CSMD2: variants seen among roughly 807,000 people sequenced by gnomAD.
CSMD2 encodes CUB and Sushi multiple domains 2.
A neutral mutation model predicts 398.5 loss-of-function variants in CSMD2; 130 were observed. The observed-to-expected ratio is 0.33, with a 90% CI of 0.28 to 0.38. The LOEUF (loss-of-function observed/expected upper bound fraction) is 0.38. CSMD2 is among the 10% of genes least tolerant of loss of function. The pLI is 1.00. For missense variants in CSMD2, 3,829 were observed against 4,764.9 expected (o/e 0.80, Z 5.78); for synonymous variants, 1,828 against 1,908.5 (o/e 0.96, Z 1.10).
intron 44 of CSMD2, 89 bp downstream of exon 44, chr1:33,600,776 C>T: frequency 7.2e-7 from 1 of 1,383,046 alleles, no homozygotes; most frequent in East Asian, 2.3e-5. Context: ...CTCAAGGTCA[C>T]ATGATCCGCA....
In CSMD2 at chr1:33,521,570, A is replaced by T; in HGVS notation, c.10510-20T>A. On this transcript the variant is annotated intron_variant, in intron 67 of 70. Coordinates refer to ENST00000373381, the MANE Select transcript of CSMD2 (RefSeq NM_001281956.2). Reference sequence around the variant, plus strand: ...CGAGACCTGTGATGGTGGGGAGCACAGAGAGCAGGTGGGAGGCTGCTGGAA... The same window carrying T: ...CGAGACCTGTGATGGTGGGGAGCACTGAGAGCAGGTGGGAGGCTGCTGGAA... 1 of 1,519,154 alleles carries T rather than the reference A, an allele frequency of 6.6e-7. No homozygotes were observed. The allele number at this position is 1,519,154 out of a possible 1,614,324, so 94.1% of individuals were successfully genotyped here.
intron 33 of CSMD2, 45 bp downstream of exon 33, chr1:33,626,441 G>T: frequency 7.1e-7 from 1 of 1,407,358 alleles, no homozygotes; most frequent in Non-Finnish European, 9.8e-7. Context: ...AGTCCCTTAA[G>T]AACCGAGATC....
intron 2 of CSMD2, among the ~76,000 whole-genome samples, chr1:34,043,603 CAA>C (rs1310441816): frequency 6.6e-6 from 1 of 152,100 alleles, no homozygotes; most frequent in African/African-American, 2.4e-5. Flanking sequence ...AATATAGAGT[CAA>C]TAAATGACGG....
intron 13 of CSMD2, among the ~76,000 whole-genome samples, chr1:33,765,188 A>C (rs1650338433): frequency 6.6e-6 from 1 of 152,218 alleles, no homozygotes; most frequent in Non-Finnish European, 1.5e-5. Flanking sequence ...TCCCAATAGG[A>C]TGTTTTTTTT....
chr1:33,825,360 C>A (rs1658675786), intron 7 of CSMD2, among the ~76,000 whole-genome samples: 1 of 152,172 alleles, frequency 6.6e-6, no homozygotes, highest in Non-Finnish European at 1.5e-5. Flanking sequence ...AAAAGAGGAG[C>A]TGAAGGAGGA....
At chr1:33,963,085 T>C (rs1464544149) in intron 3 of CSMD2, among the ~76,000 whole-genome samples, 2 of 152,210 alleles carry the variant, frequency 1.3e-5, no homozygotes, top group Non-Finnish European at 2.9e-5. Context: ...GTCAAAAGAT[T>C]GAGAGTCTAA....
Position 33,586,568 on chromosome 1 carries a change from A to T in CSMD2, c.6987T>A (p.Asn2329Lys). The change falls in exon 46 of 71, where the codon AAT (asparagine) becomes AAA (lysine). Residue 2329 changes from asparagine to lysine, a missense_variant. This residue lies in a region of CSMD2 where 723 missense variants were observed against 758.6 expected (regional missense o/e 0.95). Transcript: ENST00000373381. ...RCLPGFTLVG[N>K]EILTCKLGTY... ...TTCCAAGTTTGCAGGTCAGAATTTC[A>T]TTCCCCACTAAGGTAAAGCCAGGGA... is the stretch of plus-strand genomic sequence containing the variant. 6.2e-7 allele frequency: 1 copy of T among 1,613,810 alleles called. No homozygotes were observed. The highest frequency in any genetic ancestry group is 8.5e-7 in the Non-Finnish European group (1 of 1,179,780).
chr1:33,738,059 C>T (rs1646939464), intron 15 of CSMD2, among the ~76,000 whole-genome samples: 1 of 152,050 alleles, frequency 6.6e-6, no homozygotes, highest in African/African-American at 2.4e-5. Context: ...CCCTTGTCTC[C>T]CATCGAGCCA....
chr1:33,868,702 C>T (rs2125137302), intron 5 of CSMD2, among the ~76,000 whole-genome samples: 1 of 151,868 alleles, frequency 6.6e-6, no homozygotes, highest in East Asian at 1.9e-4. Context: ...CACCATTGCA[C>T]TCCAGCCTGG....
rs369664642 is a variant in CSMD2, at chr1:34,091,164, G to C, written c.188-1971C>G. Reference sequence around the variant, plus strand: ...ATGCTTCCAAGTGATTGTTTCACAAGTATCTGTCTTCTCACCAGGCTGAAT... The same window carrying C: ...ATGCTTCCAAGTGATTGTTTCACAACTATCTGTCTTCTCACCAGGCTGAAT... On this transcript the variant is annotated intron_variant, in intron 1 of 70. Coordinates refer to ENST00000373381, the MANE Select transcript of CSMD2 (RefSeq NM_001281956.2). 1.3e-4 allele frequency among the ~76,000 whole-genome samples: 20 copies of C among 152,140 alleles called. No individual in the cohort carries two copies. The East Asian group carries it at 3.5e-3, about 26-fold the overall frequency.
chr1:33,811,100 C>T (rs143120864), intron 9 of CSMD2, among the ~76,000 whole-genome samples: 8 of 152,168 alleles, frequency 5.3e-5, no homozygotes, highest in African/African-American at 9.6e-5. Flanking sequence ...GCAGGCTAAG[C>T]GACCCCTCTG....
intron 1 of CSMD2, among the ~76,000 whole-genome samples, chr1:34,101,209 T>C (rs982046811): frequency 2.0e-5 from 3 of 152,242 alleles, no homozygotes. Flanking sequence ...GACCTCCATT[T>C]TGACGGCACC....
At chr1:33,978,943 GCA>G (rs1280049709) in intron 3 of CSMD2, among the ~76,000 whole-genome samples, 13 of 152,136 alleles carry the variant, frequency 8.5e-5, no homozygotes, top group African/African-American at 2.7e-4. Flanking sequence ...GGAAACTGAC[GCA>G]CAGAGAGTTA....
At chr1:33,777,198 G>A (rs546761718) in intron 12 of CSMD2, among the ~76,000 whole-genome samples, 3 of 150,854 alleles carry the variant, frequency 2.0e-5, no homozygotes, top group Non-Finnish European at 2.9e-5. Flanking sequence ...CTACAGGGTC[G>A]TGGTGACTTC....
intron 1 of CSMD2, among the ~76,000 whole-genome samples, chr1:34,129,262 CAT>C (rs1335000387): frequency 9.9e-5 from 15 of 152,172 alleles, no homozygotes; most frequent in African/African-American, 3.6e-4. Flanking sequence ...TATGTGAACA[CAT>C]GTTGTGTGTA....
At chr1:34,126,553 T>C (rs565617978) in intron 1 of CSMD2, among the ~76,000 whole-genome samples, 99 of 150,454 alleles carry the variant, frequency 6.6e-4, no homozygotes, top group African/African-American at 2.3e-3. Flanking sequence ...GGTGCTGTGC[T>C]CCCATTTTGC....
At chr1:33,522,938 G>A (rs1654443214) in intron 67 of CSMD2, among the ~76,000 whole-genome samples, 1 of 152,188 alleles carries the variant, frequency 6.6e-6, no homozygotes, top group African/African-American at 2.4e-5. Flanking sequence ...GTGAGGAGAA[G>A]TTCAATGTAG....
intron 1 of CSMD2, among the ~76,000 whole-genome samples, chr1:34,138,714 C>T (rs1173564665): frequency 6.6e-6 from 1 of 152,106 alleles, no homozygotes; most frequent in Non-Finnish European, 1.5e-5. Flanking sequence ...TAATATAGTG[C>T]CAAGTTGCTT....
At chr1:33,618,307 C>T (rs1641531952) in intron 37 of CSMD2, among the ~76,000 whole-genome samples, 1 of 152,120 alleles carries the variant, frequency 6.6e-6, no homozygotes, top group Non-Finnish European at 1.5e-5. Context: ...TCATCCCCTA[C>T]CCCAAGCCAC....
Sources: gnomAD v4.1 joint callset for allele counts (sites outside exome capture counted in the v4.1 genomes callset) on GRCh38, gnomAD v4.1.1 for gene constraint, gnomAD v4.1.1 regional missense constraint, MANE v1.5 for transcripts, NCBI Gene and HGNC (gene_info 2026-07-23, HGNC 2026-07-21) for gene names.